The following ESX1 variants were observed in gnomAD, a reference collection of about 807,000 sequenced individuals.
ESX1 encodes the protein homeobox protein ESX1.
A neutral mutation model predicts 13.2 loss-of-function variants in ESX1; 2 were observed. The observed-to-expected ratio is 0.15, with a 90% CI of 0.06 to 0.48. The LOEUF (loss-of-function observed/expected upper bound fraction) is 0.48, where lower values mean the gene tolerates loss of function less well. ESX1 is among the 20% of genes least tolerant of loss of function. The probability of loss-of-function intolerance (pLI) is 0.97; values close to 1 mark genes in which losing one functional copy is unlikely to be tolerated. For synonymous variants in ESX1, 157 were observed against 163.1 expected, an observed-to-expected ratio of 0.96 and a Z score of 0.29; for missense variants, 307 against 379.0, an observed-to-expected ratio of 0.81 and a Z score of 1.58.
chrX:104,253,743 C>G (rs1923245552), intron 2 of ESX1, among the ~76,000 whole-genome samples: 1 of 111,346 alleles, frequency 9.0e-6, no homozygotes, highest in Non-Finnish European at 1.9e-5. Flanking sequence ...CGCTGGCTAC[C>G]GAAAGCTCAA....
chrX:104,250,981 C>A, intron 3 of ESX1, 85 bp from the exon 4 acceptor site: 1 of 835,478 alleles, frequency 1.2e-6, no homozygotes, highest in Admixed American at 3.0e-5. Context: ...ATTCTATATG[C>A]CACTGAGACT....
At chrX:104,253,947 C>T (rs1422611357) in intron 2 of ESX1, among the ~76,000 whole-genome samples, 2 of 112,073 alleles carry the variant, frequency 1.8e-5, no homozygotes, top group African/African-American at 6.5e-5. Flanking sequence ...GAGCAAATTG[C>T]CAAAATTTTA....
Position 104,250,471 on chromosome X carries a change from G to A in ESX1, c.978C>T (p.Pro326=). 2.1e-6 allele frequency: 2 copies of A among 934,394 alleles called. No individual in the cohort carries two copies. Among genetic ancestry groups the A allele is most frequent in the Non-Finnish European group, 2.7e-6 (2 of 753,103 alleles). 77.0% of individuals were successfully genotyped at this position (934,394 alleles called of 1,213,427 possible). A position where few individuals can be genotyped will look rare whatever the true frequency, so the allele number is the denominator to read the frequency against. The change falls in exon 4 of 4, where the codon CCC becomes CCT. Residue 326 remains proline, a synonymous_variant. Coordinates refer to ENST00000372588, the MANE Select transcript of ESX1 (RefSeq NM_153448.4). ...PPMAPVPPGP[P]MARVPPGPPM... ...GCGGCCCGGGTGGCACACGCGCCAT[G>A]GGCGGCCCGGGTGGCACAGGCGCCA...
intron 2 of ESX1, among the ~76,000 whole-genome samples, chrX:104,253,757 T>C (rs1923246196): frequency 9.0e-6 from 1 of 111,475 alleles, no homozygotes; most frequent in Non-Finnish European, 1.9e-5. Context: ...AGCTCAAAAG[T>C]CCGCCCCCTG....
chrX:104,254,133 C>A (rs782560686), intron 2 of ESX1, 21 bp downstream of exon 2: 11 of 1,182,483 alleles, frequency 9.3e-6, no homozygotes, highest in Non-Finnish European at 1.3e-5. Flanking sequence ...GAACTGGGCG[C>A]CTCCGGGGCA....
In ESX1 at chrX:104,250,208, A is replaced by G. The variant is rs1923120759; in HGVS notation, c.*20T>C. ...TCTGGCAGGAAAGAACTTTGGAAAA[A>G]CTGTTATGAATACCTTACTTTAGAA... On this transcript the variant is annotated 3_prime_UTR_variant, in exon 4 of 4. Coordinates refer to ENST00000372588, the MANE Select transcript of ESX1 (RefSeq NM_153448.4). 1 of 1,200,596 alleles carries G rather than the reference A, an allele frequency of 8.3e-7. No homozygotes were observed. Among genetic ancestry groups the G allele is most frequent in the East Asian group, 3.0e-5 (1 of 33,233 alleles).
chrX:104,250,899 T>C lies in ESX1; in HGVS notation c.553-3A>G. On this transcript the variant is annotated splice_polypyrimidine_tract_variant and splice_region_variant and intron_variant, in intron 3 of 3. Transcript: ENST00000372588. ...GCTCTTCTGTTCTGAAACCAAACCT[T>C]CAGAGGGGAAAAATGAATTGGTTTA... The C allele has an allele frequency of 8.4e-7, 1 of 1,187,703 alleles. No homozygotes were observed. Among genetic ancestry groups the C allele is most frequent in the Non-Finnish European group, 1.1e-6 (1 of 881,265 alleles).
chrX:104,252,810 G>A lies in ESX1; in HGVS notation c.525C>T (p.Arg175=), dbSNP rs1556394662. Reference sequence around the variant, plus strand: ...GCACTCTGTCTTCAGTCAAATTCAGGCGTGCTGCAAGTCTCTCTCTTAGGG... The same window carrying A: ...GCACTCTGTCTTCAGTCAAATTCAGACGTGCTGCAAGTCTCTCTCTTAGGG... ...DVVARERLAA[R]LNLTEDRVQV... The change falls in exon 3 of 4, where the codon CGC becomes CGT. Residue 175 remains arginine (R), a synonymous_variant. Coordinates refer to ENST00000372588, the MANE Select transcript of ESX1 (RefSeq NM_153448.4). 1.7e-6 allele frequency: 2 copies of A among 1,208,546 alleles called. No homozygotes were observed. Among genetic ancestry groups the A allele is most frequent in the East Asian group, 5.9e-5 (2 of 33,749 alleles).
chrX:104,254,068 C>T, intron 2 of ESX1, 86 bp downstream of exon 2: 1 of 1,089,351 alleles, frequency 9.2e-7, no homozygotes, highest in Non-Finnish European at 1.2e-6. Context: ...AGGGCGGAGG[C>T]AGCGCCCGTG....
At position 104,254,234 on chromosome X, in the gene ESX1, G is replaced by A. The variant is rs140432334; in HGVS notation, c.426C>T (p.Arg142=). ...GCTGAAACTGCGTGAACGCGGTGCGGCGGCGGCGTTTCCTCTCTGGGGGCT... is the reference window on the plus strand; with the variant it reads ...GCTGAAACTGCGTGAACGCGGTGCGACGGCGGCGTTTCCTCTCTGGGGGCT... The part of the protein sequence containing the change: ...GPQPPERKRR[R]RTAFTQFQLQ... Residue 142 remains arginine, a synonymous_variant, in exon 2 of 4, where the codon CGC becomes CGT. Coordinates refer to ENST00000372588, the MANE Select transcript of ESX1 (RefSeq NM_153448.4). The A allele has an allele frequency of 1.3e-4, 156 of 1,211,028 alleles. No homozygotes were observed. In the African/African-American group the frequency reaches 2.1e-3, roughly 16 times the overall value.
At chrX:104,253,478 G>C (rs1358786077) in intron 2 of ESX1, among the ~76,000 whole-genome samples, 1 of 111,437 alleles carries the variant, frequency 9.0e-6, no homozygotes, top group African/African-American at 3.3e-5. Context: ...TCTGTTTATC[G>C]TAAAAAGGAG....
chrX:104,250,751 A>AAAGCAGGATCCAGAGCAG lies in ESX1; in HGVS notation c.680_697dup (p.Ala232_Leu233insSerAlaLeuAspProAla). ...TAGTTGTGGCACCAGATGAACACAC[A>AAAGCAGGATCCAGAGCAG]AAGCAGGATCCAGAGCAGGAGCAGC... On this transcript the variant is annotated inframe_insertion, in exon 4 of 4. Coordinates refer to ENST00000372588, the MANE Select transcript of ESX1 (RefSeq NM_153448.4). 4 of 1,211,757 alleles carry AAAGCAGGATCCAGAGCAG rather than the reference A, an allele frequency of 3.3e-6. No homozygotes were observed. Among genetic ancestry groups the AAAGCAGGATCCAGAGCAG allele is most frequent in the Non-Finnish European group, 4.5e-6 (4 of 895,496 alleles).
rs781937785 is a variant in ESX1 at position 104,254,422 on chromosome X, G to A, written c.238C>T (p.His80Tyr). ...TCCTCCTGCTGTTGCTCCGGCTCGT[G>A]GCCGCCGCCACCCTCACGGTCTTGG... Reference protein sequence around the residue: ...DDQDREGGGGHEPEQQQEEPP... With the variant: ...DDQDREGGGGYEPEQQQEEPP... Residue 80 changes from histidine to tyrosine, a missense_variant, in exon 2 of 4, where the codon CAC (histidine) becomes TAC (tyrosine). His to Tyr is a moderately conservative substitution (Grantham distance 83, BLOSUM62 2). Around this residue, in one of 3 missense-constraint regions of ESX1, gnomAD observed 152 missense variants for 114.5 expected, o/e 1.33. Transcript: ENST00000372588. The A allele has an allele frequency of 2.5e-6, 3 of 1,211,903 alleles. No individual in the cohort carries two copies. Among genetic ancestry groups the A allele is most frequent in the African/African-American group, 3.5e-5 (2 of 57,954 alleles).
Position 104,250,329 on chromosome X carries a change from GCGC to G in ESX1, c.1117_1119del (p.Ala373del), listed in dbSNP as rs1923126887. 8.7e-7 allele frequency: 1 copy of G among 1,152,112 alleles called. No individual in the cohort carries two copies. The highest frequency in any genetic ancestry group is 1.9e-5 in the African/African-American group (1 of 53,033). The allele number at this position is 1,152,112 out of a possible 1,213,427, so 94.9% of individuals were successfully genotyped here. On this transcript the variant is annotated inframe_deletion, in exon 4 of 4. Coordinates refer to ENST00000372588, the MANE Select transcript of ESX1 (RefSeq NM_153448.4). ...GGCACATGTGACCTGGGTGGCAGAG[GCGC>G]CATGGGCGGCCCGGGTGGCAGAGGC...
intron 2 of ESX1, 73 bp downstream of exon 2, chrX:104,254,081 C>T: frequency 1.8e-6 from 2 of 1,116,106 alleles, no homozygotes; most frequent in Non-Finnish European, 2.4e-6. Flanking sequence ...CGCCCGTGAG[C>T]CCCCTACGTG....
chrX:104,254,385 G>T lies in ESX1; in HGVS notation c.275C>A (p.Thr92Asn), dbSNP rs1051511075. 9 of 1,209,494 alleles carry T rather than the reference G, an allele frequency of 7.4e-6. No individual in the cohort carries two copies. The Admixed American group carries it at 1.3e-4, about 18-fold the overall frequency. The change falls in exon 2 of 4, where the codon ACC becomes AAC. Residue 92 changes from threonine (T) to asparagine (N), a missense_variant. Physicochemically the swap from Thr to Asn is moderately conservative, Grantham distance 65 (BLOSUM62 0). Transcript: ENST00000372588. ...CTCCTCCTGCTGTTGCTCCGGCTTG[G>T]TCAGGGGCGGCTCCTCCTGCTGTTG... ...PEQQQEEPPLTKPEQQQEEPP... is the reference protein window; with the variant it reads ...PEQQQEEPPLNKPEQQQEEPP...
At chrX:104,251,509 C>T (rs1459994709) in intron 3 of ESX1, among the ~76,000 whole-genome samples, 2 of 112,191 alleles carry the variant, frequency 1.8e-5, no homozygotes, top group African/African-American at 6.5e-5. Context: ...CCAGACATCA[C>T]ACCCACAGGC....
At position 104,254,314 on chromosome X, in the gene ESX1, TCTGGGGCGGCTCCTCCTG is replaced by T. The variant is rs781913429; in HGVS notation, c.328_345del (p.Gln110_Gln115del). On this transcript the variant is annotated inframe_deletion, in exon 2 of 4. Transcript: ENST00000372588. ...GCCGGCTGTGGCCCCTCCACGGTCG[TCTGGGGCGGCTCCTCCTG>T]CTCTTGCTTCAGCTCGAGCAGGGGC... The T allele has an allele frequency of 1.3e-4, 163 of 1,209,937 alleles. No homozygotes were observed. The East Asian group carries it at 4.6e-3, about 34-fold the overall frequency.
Position 104,254,661 on chromosome X carries a change from G to C in ESX1, c.83-84C>G. 7.0e-6 allele frequency: 8 copies of C among 1,145,033 alleles called. No homozygotes were observed. The South Asian group carries it at 1.5e-4, about 22-fold the overall frequency. The allele number at this position is 1,145,033 out of a possible 1,213,427, so 94.4% of individuals were successfully genotyped here. On this transcript the variant is annotated intron_variant, in intron 1 of 3. Coordinates refer to ENST00000372588, the MANE Select transcript of ESX1 (RefSeq NM_153448.4). Reference sequence around the variant, plus strand: ...TGGAGGAGGCAGGGGACCCGCTATGGAAGAGCAACTGCGACAGCCGCGCAG... The same window carrying C: ...TGGAGGAGGCAGGGGACCCGCTATGCAAGAGCAACTGCGACAGCCGCGCAG...
Sources: allele counts gnomAD v4.1 joint callset (sites outside exome capture counted in the v4.1 genomes callset), GRCh38; gene constraint gnomAD v4.1.1; regional missense constraint gnomAD v4.1.1; transcripts MANE v1.5; gene names NCBI Gene and HGNC (gene_info 2026-07-23, HGNC 2026-07-21).